Variants in TAF3 observed in about 807,000 individuals in gnomAD.
TAF3 encodes the protein transcription initiation factor TFIID subunit 3.
TAF3 carries 7 observed loss-of-function variants against 80.6 expected under a neutral mutation model. That is an observed-to-expected ratio of 0.09 (90% CI 0.05 to 0.16). TAF3 has a LOEUF of 0.16. TAF3 is among the 10% of genes least tolerant of loss of function. TAF3 has a pLI of 1.00. For missense variants in TAF3, 921 were observed against 1,140.2 expected (o/e 0.81, Z 2.77); for synonymous variants, 444 against 446.1 (o/e 1.00, Z 0.06).
intron 2 of TAF3, among the ~76,000 whole-genome samples, chr10:7,955,923 G>T (rs1838130847): frequency 1.3e-5 from 2 of 152,092 alleles, no homozygotes; most frequent in Admixed American, 6.5e-5. Flanking sequence ...GAAAGATAGG[G>T]ATTAATATGG....
Position 7,964,495 on chromosome 10 carries a change from C to T in TAF3, c.985C>T (p.His329Tyr), listed in dbSNP as rs377104667. Residue 329 changes from histidine (H) to tyrosine (Y), a missense_variant, in exon 3 of 7, where the codon CAC becomes TAC. Physicochemically the swap from His to Tyr is moderately conservative, Grantham distance 83. Coordinates refer to ENST00000344293, the MANE Select transcript of TAF3 (RefSeq NM_031923.4). The surrounding 1 kb of genome is among the most constrained non-coding windows in gnomAD (Gnocchi z 4.1). ...KSPKSPKVTTHIPQTPVRPET... is the reference protein window; with the variant it reads ...KSPKSPKVTTYIPQTPVRPET... ...TCCCAAGAGCCCCAAGGTCACGACT[C>T]ACATTCCCCAAACACCTGTGAGACC... The T allele has an allele frequency of 1.2e-5, 19 of 1,613,246 alleles. No homozygotes were observed. Among genetic ancestry groups the T allele is most frequent in the African/African-American group, 4.0e-5 (3 of 74,824 alleles).
At position 7,873,627 on chromosome 10, in the gene TAF3, C is replaced by CCA. The variant is rs905657496; in HGVS notation, c.409+49068_409+49069insAC. ...AAGACATCCGAGTTCTCCCCCCCCC[C>CCA]CCGTCAAAAGGGGGTGTCGAATTTG... On this transcript the variant is annotated intron_variant, in intron 2 of 6. Transcript: ENST00000344293. Among the ~76,000 whole-genome samples the CCA allele has an allele frequency of 3.4e-4, 51 of 149,056 alleles. 4 individuals carry two copies. The highest frequency in any genetic ancestry group is 3.5e-3 in the Middle Eastern group (1 of 288).
intron 2 of TAF3, among the ~76,000 whole-genome samples, chr10:7,832,265 C>T (rs937918866): frequency 2.0e-5 from 3 of 152,126 alleles, no homozygotes; most frequent in African/African-American, 7.2e-5. Context: ...TGGTTCTTTT[C>T]GTCCACATAT....
chr10:7,866,322 A>G (rs1039396318), intron 2 of TAF3, among the ~76,000 whole-genome samples: 1 of 152,210 alleles, frequency 6.6e-6, no homozygotes, highest in African/African-American at 2.4e-5. Flanking sequence ...CCAAATAAGA[A>G]GATGAGAGAT....
intron 2 of TAF3, among the ~76,000 whole-genome samples, chr10:7,896,738 C>G (rs2131167557): frequency 6.6e-6 from 1 of 152,262 alleles, no homozygotes; most frequent in East Asian, 1.9e-4. Context: ...TGACAAATTA[C>G]CACAAATTTA....
chr10:7,846,193 G>A (rs1234143038), intron 2 of TAF3, among the ~76,000 whole-genome samples: 9 of 152,102 alleles, frequency 5.9e-5, no homozygotes, highest in Admixed American at 5.9e-4. Context: ...TCCTGACCTC[G>A]TGATCTGCCC....
intron 4 of TAF3, among the ~76,000 whole-genome samples, chr10:8,002,300 T>G (rs1401098219): frequency 6.6e-6 from 1 of 152,240 alleles, no homozygotes; most frequent in Non-Finnish European, 1.5e-5. Flanking sequence ...CCCGTATTTC[T>G]CTCACCTGTG....
intron 3 of TAF3, among the ~76,000 whole-genome samples, chr10:7,966,924 C>T (rs983116218): frequency 6.6e-6 from 1 of 152,170 alleles, no homozygotes; most frequent in Non-Finnish European, 1.5e-5. Flanking sequence ...GTTAACAAGA[C>T]ACAGAAATCC....
At position 8,014,755 on chromosome 10, in the gene TAF3, C is replaced by T. The variant is rs767226140; in HGVS notation, c.*4C>T. ...GAGGAAGCATCGAGCCCACTGACGA[C>T]TCCCGAGGGGCTGGACCAAGCGGGG... On this transcript the variant is annotated 3_prime_UTR_variant, in exon 7 of 7. Coordinates refer to ENST00000344293, the MANE Select transcript of TAF3 (RefSeq NM_031923.4). 6.3e-7 allele frequency: 1 copy of T among 1,580,924 alleles called. No homozygotes were observed. The highest frequency in any genetic ancestry group is 8.6e-7 in the Non-Finnish European group (1 of 1,163,226).
At chr10:7,997,079 T>G (rs1448977837) in intron 4 of TAF3, among the ~76,000 whole-genome samples, 1 of 152,194 alleles carries the variant, frequency 6.6e-6, no homozygotes, top group Non-Finnish European at 1.5e-5. Flanking sequence ...AACTGAAATC[T>G]GAAGAAGAAA....
rs1186244924 is a variant in TAF3, at chr10:8,016,343, A to G, written c.*1592A>G. ...TTTAAAACATTATGTGGTTAGAGAA[A>G]TGCGGTTTTCTGCCATGAATGTTAA... On this transcript the variant is annotated 3_prime_UTR_variant, in exon 7 of 7. Coordinates refer to ENST00000344293, the MANE Select transcript of TAF3 (RefSeq NM_031923.4). 1 of 152,194 alleles carries G rather than the reference A, an allele frequency of 6.6e-6. No individual in the cohort carries two copies. Among genetic ancestry groups the G allele is most frequent in the African/African-American group, 2.4e-5 (1 of 41,436 alleles). 9.4% of individuals were successfully genotyped at this position (152,194 alleles called of 1,614,324 possible).
intron 4 of TAF3, among the ~76,000 whole-genome samples, chr10:8,008,044 G>C (rs1201224474): frequency 2.6e-5 from 4 of 151,010 alleles, no homozygotes; most frequent in Admixed American, 2.6e-4. Flanking sequence ...GACAGAAGCT[G>C]CCGCTGCATT....
chr10:7,889,005 C>CT (rs765323322), intron 2 of TAF3, among the ~76,000 whole-genome samples: 85 of 151,896 alleles, frequency 5.6e-4, no homozygotes, highest in Non-Finnish European at 8.4e-4. Context: ...GGTTGAGGCA[C>CT]TTTTTTTTTC....
chr10:7,939,505 G>A lies in TAF3; in HGVS notation c.410-24415G>A, dbSNP rs144591772. On this transcript the variant is annotated intron_variant, in intron 2 of 6. Coordinates refer to ENST00000344293, the MANE Select transcript of TAF3 (RefSeq NM_031923.4). ...TAAACACCCAGTAACTACCAGAAAT[G>A]AAAGGTATCCCACATGAAAAGCAGA... Among the ~76,000 whole-genome samples, 564 of 151,338 alleles carry A rather than the reference G, an allele frequency of 3.7e-3. 4 individuals are homozygous for A. The highest frequency in any genetic ancestry group is 0.02 in the South Asian group (94 of 4,802).
intron 2 of TAF3, among the ~76,000 whole-genome samples, chr10:7,962,819 C>G (rs1320910539): frequency 6.6e-6 from 1 of 152,244 alleles, no homozygotes; most frequent in Non-Finnish European, 1.5e-5. Context: ...CTGCACTAAA[C>G]TGTGAGCTCT....
intron 2 of TAF3, among the ~76,000 whole-genome samples, chr10:7,876,678 T>C (rs180736845): frequency 6.6e-6 from 1 of 152,336 alleles, no homozygotes; most frequent in Non-Finnish European, 1.5e-5. Flanking sequence ...AAAATACAGC[T>C]ATATTGTCCT....
chr10:7,988,229 G>A (rs985139472), intron 4 of TAF3, among the ~76,000 whole-genome samples: 2 of 152,022 alleles, frequency 1.3e-5, no homozygotes, highest in Non-Finnish European at 2.9e-5. Context: ...CGGGAGGATC[G>A]CTTGAGGCTG....
At chr10:7,984,899 TA>T (rs1268782731) in intron 4 of TAF3, among the ~76,000 whole-genome samples, 6 of 152,164 alleles carry the variant, frequency 3.9e-5, no homozygotes, top group Non-Finnish European at 5.9e-5. Context: ...TTCTGGCATT[TA>T]AAAAAAGAAT....
chr10:7,827,848 A>G (rs1230208024), intron 2 of TAF3, among the ~76,000 whole-genome samples: 3 of 151,810 alleles, frequency 2.0e-5, no homozygotes, highest in Non-Finnish European at 2.9e-5. Flanking sequence ...AGTCCCAGCT[A>G]TCAGAGTCTG....
Sources: allele counts gnomAD v4.1 joint callset (sites outside exome capture counted in the v4.1 genomes callset), GRCh38; gene constraint gnomAD v4.1.1; non-coding constraint Gnocchi (gnomAD v3.1); transcripts MANE v1.5; gene names NCBI Gene and HGNC (gene_info 2026-07-23, HGNC 2026-07-21).